The following PRELID2 variants were observed in gnomAD, a reference collection of about 807,000 sequenced individuals.
The protein encoded by PRELID2 is PRELI domain-containing protein 2.
A neutral mutation model predicts 28.4 loss-of-function variants in PRELID2; 25 were observed. The observed-to-expected ratio is 0.88, with a 90% CI of 0.64 to 1.23. PRELID2 has a LOEUF of 1.23. Among genes scored for constraint, PRELID2 ranks in the 50% most tolerant of loss-of-function variants. The probability of loss-of-function intolerance (pLI) is 0.00; values close to 1 mark genes in which losing one functional copy is unlikely to be tolerated. For synonymous variants in PRELID2, 76 were observed against 71.6 expected (o/e 1.06, Z -0.31); for missense variants, 201 against 214.4 (o/e 0.94, Z 0.39).
chr5:145,618,689 G>A (rs1205999557), intron 1 of PRELID2, among the ~76,000 whole-genome samples: 1 of 152,162 alleles, frequency 6.6e-6, no homozygotes, highest in East Asian at 1.9e-4. Context: ...TTTTCAGGGA[G>A]CATCAGCTGT....
the PRELID2 span, among the ~76,000 whole-genome samples, chr5:145,382,823 AT>A: frequency 1.3e-4 from 20 of 151,944 alleles, no homozygotes; most frequent in Non-Finnish European, 4.4e-5. Flanking sequence ...CAATATATCC[AT>A]GTAACAAACT....
At chr5:145,643,042 A>T (rs188889641) in intron 1 of PRELID2, among the ~76,000 whole-genome samples, 1 of 152,170 alleles carries the variant, frequency 6.6e-6, no homozygotes, top group Non-Finnish European at 1.5e-5. Context: ...GTTTTTTCCA[A>T]TTCTATGAAG....
At chr5:145,229,273 C>T in the PRELID2 span, 5 of 757,788 alleles carry the variant, frequency 6.6e-6, no homozygotes, top group South Asian at 6.7e-5. Flanking sequence ...AGTTCTACAA[C>T]TGGTTCAAGG....
At position 145,695,516 on chromosome 5, in the gene PRELID2, C is replaced by T. The variant is rs528686524; in HGVS notation, n.70+69415G>A. On this transcript the variant is annotated intron_variant and non_coding_transcript_variant, in intron 1 of 2. Coordinates refer to the PRELID2 transcript ENST00000510259. The stretch of plus-strand genomic sequence containing the variant: ...GGTCAATTTCCAGTGCCACCTCCAA[C>T]CTGCTCTTCTTCCTTGAGTTGTCCC... Among the ~76,000 whole-genome samples, 55 of 152,334 alleles carry T rather than the reference C, an allele frequency of 3.6e-4. 1 individual carries two copies. Among genetic ancestry groups the T allele is most frequent in the African/African-American group, 1.3e-3 (54 of 41,576 alleles).
At chr5:145,371,125 C>T in the PRELID2 span, among the ~76,000 whole-genome samples, 1 of 152,100 alleles carries the variant, frequency 6.6e-6, no homozygotes, top group Non-Finnish European at 1.5e-5. Flanking sequence ...TGCCTGATTG[C>T]TCTGGCCAGA....
chr5:145,292,428 C>T, the PRELID2 span, among the ~76,000 whole-genome samples: 2 of 151,924 alleles, frequency 1.3e-5, no homozygotes, highest in African/African-American at 4.8e-5. Context: ...GCCCCTGCAC[C>T]GACCATGCAC....
chr5:145,569,456 T>C (rs887618108), intron 1 of PRELID2, among the ~76,000 whole-genome samples: 9 of 152,220 alleles, frequency 5.9e-5, no homozygotes, highest in Non-Finnish European at 7.3e-5. Flanking sequence ...CTCATTATCA[T>C]GGTCCATGAA....
At chr5:145,405,091 CAAACTCCAAAAATGTGTAAT>C in the PRELID2 span, among the ~76,000 whole-genome samples, 1 of 152,162 alleles carries the variant, frequency 6.6e-6, no homozygotes, top group African/African-American at 2.4e-5. Flanking sequence ...CACGCTATCC[CAAACTCCAAAAATGTGTAAT>C]AATATCCTGA....
chr5:145,736,797 G>A (rs75201544), intron 1 of PRELID2, among the ~76,000 whole-genome samples: 2,299 of 152,296 alleles, frequency 0.015, 21 homozygotes, highest in Non-Finnish European at 0.024. Flanking sequence ...AACCCAGAGA[G>A]CTTGGCACAT....
At chr5:145,263,395 A>T in the PRELID2 span, among the ~76,000 whole-genome samples, 6 of 152,122 alleles carry the variant, frequency 3.9e-5, no homozygotes, top group African/African-American at 7.2e-5. Flanking sequence ...TATTTTCATC[A>T]GCACATGGAA....
At chr5:145,452,027 T>C in the PRELID2 span, among the ~76,000 whole-genome samples, 1 of 152,204 alleles carries the variant, frequency 6.6e-6, no homozygotes. Flanking sequence ...TCAGCAGTTT[T>C]CTGAGTGTCC....
chr5:145,262,425 G>A, the PRELID2 span, among the ~76,000 whole-genome samples: 1 of 152,024 alleles, frequency 6.6e-6, no homozygotes, highest in African/African-American at 2.4e-5. Context: ...AAATATTTAA[G>A]AGCTGTGAAG....
At chr5:145,455,510 A>C in the PRELID2 span, among the ~76,000 whole-genome samples, 1 of 152,214 alleles carries the variant, frequency 6.6e-6, no homozygotes, top group African/African-American at 2.4e-5. Context: ...TGGGGATAGC[A>C]TTGAATCTAT....
rs116413976 is a variant in PRELID2 at position 145,551,862 on chromosome 5, T to C, written n.71-78547A>G. Among the ~76,000 whole-genome samples the C allele has an allele frequency of 7.1e-3, 1,073 of 152,186 alleles. 12 individuals are homozygous for C. Among genetic ancestry groups the C allele is most frequent in the African/African-American group, 0.024 (990 of 41,522 alleles). Reference sequence around the variant, plus strand: ...GAAGTGGTTTAGAATCCAGAGAAAGTAGGTGTGTCTGGCAGGAGCAGGGAC... The same window carrying C: ...GAAGTGGTTTAGAATCCAGAGAAAGCAGGTGTGTCTGGCAGGAGCAGGGAC... On this transcript the variant is annotated intron_variant and non_coding_transcript_variant, in intron 1 of 2. Transcript: ENST00000510259.
the PRELID2 span, among the ~76,000 whole-genome samples, chr5:145,280,816 A>C: frequency 6.6e-6 from 1 of 150,972 alleles, no homozygotes; most frequent in Non-Finnish European, 1.5e-5. Flanking sequence ...AAAAAAAAAA[A>C]ACAGATTGCT....
At chr5:145,832,168 C>A (rs4516907) in intron 1 of PRELID2, among the ~76,000 whole-genome samples, 107,972 of 151,824 alleles carry the variant, frequency 0.71, 39,628 homozygotes, top group Non-Finnish European at 0.82. Context: ...TGAGCACAGC[C>A]AAGTTTTTTG....
the PRELID2 span, among the ~76,000 whole-genome samples, chr5:145,344,687 C>A: frequency 1.3e-5 from 2 of 152,036 alleles, no homozygotes; most frequent in Non-Finnish European, 2.9e-5. Flanking sequence ...GAGGGATGCT[C>A]CTGCCAAGCT....
intron 1 of PRELID2, among the ~76,000 whole-genome samples, chr5:145,513,752 C>T (rs948058922): frequency 6.6e-6 from 1 of 152,140 alleles, no homozygotes; most frequent in Non-Finnish European, 1.5e-5. Flanking sequence ...AGAGGAATGT[C>T]GGGTTACTCA....
the PRELID2 span, among the ~76,000 whole-genome samples, chr5:145,447,534 A>G: frequency 2.9e-5 from 4 of 137,162 alleles, no homozygotes; most frequent in South Asian, 2.4e-4. Context: ...GGTTAGTTAC[A>G]TATGTATACA....
Sources: allele counts gnomAD v4.1 joint callset (sites outside exome capture counted in the v4.1 genomes callset), GRCh38; gene constraint gnomAD v4.1.1; transcripts MANE v1.5; gene names NCBI Gene and HGNC (gene_info 2026-07-23, HGNC 2026-07-21).